ANXA13: variants seen among roughly 807,000 people sequenced by gnomAD.
ANXA13 encodes annexin XIII.
In ANXA13, 36 loss-of-function variants were observed where a neutral mutation model predicts 46.6. The ratio of observed to expected loss-of-function variants is 0.77; its 90% CI spans 0.59 to 1.02. ANXA13 has a LOEUF of 1.02. ANXA13 is among the 50% of genes least tolerant of loss of function. The pLI is 0.00. For missense variants in ANXA13, 417 were observed against 396.5 expected, an observed-to-expected ratio of 1.05 and a Z score of -0.44; for synonymous variants, 163 against 152.9, an observed-to-expected ratio of 1.07 and a Z score of -0.49.
At chr8:123,696,560 C>T (rs13249639) in intron 4 of ANXA13, among the ~76,000 whole-genome samples, 9 of 151,566 alleles carry the variant, frequency 5.9e-5, no homozygotes, top group African/African-American at 1.7e-4. Flanking sequence ...GCTCCCCCAC[C>T]CCCCCCACCA....
chr8:123,714,251 A>G (rs1335775161), intron 1 of ANXA13, among the ~76,000 whole-genome samples: 2 of 152,164 alleles, frequency 1.3e-5, no homozygotes, highest in Non-Finnish European at 2.9e-5. Context: ...TTGGTCACCA[A>G]TGTAGGCACG....
chr8:123,727,509 G>T (rs78957046), intron 1 of ANXA13, among the ~76,000 whole-genome samples: 3 of 151,998 alleles, frequency 2.0e-5, no homozygotes, highest in Non-Finnish European at 4.4e-5. Context: ...TGTCTCCCAG[G>T]AGACAATTGG....
chr8:123,733,475 AGT>A (rs1814166494), intron 1 of ANXA13, among the ~76,000 whole-genome samples: 1 of 152,080 alleles, frequency 6.6e-6, no homozygotes, highest in Admixed American at 6.5e-5. Context: ...CGTTCATCTG[AGT>A]GTTCACCTTG....
chr8:123,713,653 C>T (rs766271609), intron 1 of ANXA13, among the ~76,000 whole-genome samples: 1 of 152,088 alleles, frequency 6.6e-6, no homozygotes, highest in Non-Finnish European at 1.5e-5. Flanking sequence ...CCTGTCTTTG[C>T]CTTTTCTCAT....
intron 1 of ANXA13, among the ~76,000 whole-genome samples, chr8:123,736,553 T>A (rs1814271713): frequency 6.6e-6 from 1 of 152,208 alleles, no homozygotes; most frequent in Non-Finnish European, 1.5e-5. Context: ...GAAATAATAA[T>A]GGAATATTTT....
intron 2 of ANXA13, among the ~76,000 whole-genome samples, chr8:123,708,294 G>T (rs779747939): frequency 1.3e-5 from 2 of 152,194 alleles, no homozygotes; most frequent in African/African-American, 2.4e-5. Context: ...GGCCTCCTTG[G>T]TTTTGCTTTT....
intron 1 of ANXA13, among the ~76,000 whole-genome samples, chr8:123,733,672 G>T (rs1814169936): frequency 6.6e-6 from 1 of 152,222 alleles, no homozygotes. Flanking sequence ...ATGACCATCT[G>T]CCTTTGTCCC....
At chr8:123,712,336 A>G (rs1813675682) in intron 2 of ANXA13, 1 of 266,448 alleles carries the variant, frequency 3.8e-6, no homozygotes, top group Non-Finnish European at 7.3e-6. Flanking sequence ...TTTTCTTTAT[A>G]AATTACCCCA....
At chr8:123,689,006 G>A in intron 8 of ANXA13, 60 bp from the exon 9 acceptor site, 1 of 1,544,100 alleles carries the variant, frequency 6.5e-7, no homozygotes, top group South Asian at 1.1e-5. Context: ...TAGTACTCTT[G>A]GGGTTGTTCC....
intron 1 of ANXA13, chr8:123,729,110 A>G (rs1411545610): frequency 6.6e-6 from 1 of 152,184 alleles, no homozygotes; most frequent in Non-Finnish European, 1.5e-5. Flanking sequence ...GATTATTCAC[A>G]GGGTAGGTCC....
intron 1 of ANXA13, among the ~76,000 whole-genome samples, chr8:123,721,747 A>T (rs1173693251): frequency 1.3e-5 from 2 of 152,240 alleles, no homozygotes; most frequent in Non-Finnish European, 2.9e-5. Flanking sequence ...ATTGAGAATG[A>T]CAGCAAAATA....
chr8:123,725,743 A>G (rs1434059566), intron 1 of ANXA13, among the ~76,000 whole-genome samples: 1 of 152,230 alleles, frequency 6.6e-6, no homozygotes, highest in Non-Finnish European at 1.5e-5. Context: ...TTGGTATTTC[A>G]TCATGTAGTT....
intron 2 of ANXA13, among the ~76,000 whole-genome samples, chr8:123,708,604 T>A (rs1032931001): frequency 1.3e-5 from 2 of 152,236 alleles, no homozygotes; most frequent in African/African-American, 4.8e-5. Context: ...ATGGGCACAG[T>A]CCTGCCTGCC....
At chr8:123,731,129 T>A (rs779040842) in intron 1 of ANXA13, among the ~76,000 whole-genome samples, 5 of 152,188 alleles carry the variant, frequency 3.3e-5, no homozygotes, top group Non-Finnish European at 5.9e-5. Flanking sequence ...CTGGATCCCA[T>A]CTCCAGAGTT....
chr8:123,701,467 C>T (rs1400886197), intron 3 of ANXA13, among the ~76,000 whole-genome samples: 2 of 151,440 alleles, frequency 1.3e-5, no homozygotes, highest in African/African-American at 4.9e-5. Flanking sequence ...GAGACTCCGT[C>T]TCAAAACAAA....
Position 123,715,558 on chromosome 8 carries a change from G to T in ANXA13, c.16-2805C>A, listed in dbSNP as rs181877417. 8.7e-4 allele frequency among the ~76,000 whole-genome samples: 132 copies of T among 152,314 alleles called. 1 individual carries two copies. Among genetic ancestry groups the T allele is most frequent in the African/African-American group, 3.0e-3 (126 of 41,564 alleles). On this transcript the variant is annotated intron_variant, in intron 1 of 10. Coordinates refer to ENST00000419625, the MANE Select transcript of ANXA13 (RefSeq NM_004306.4). ...ATCTGTCCCACTTGACAACTAATGC[G>T]CTGAAACAGAGATGCAGGGCTCTGC...
At chr8:123,713,038 C>A (rs527809597) in intron 1 of ANXA13, among the ~76,000 whole-genome samples, 71 of 152,322 alleles carry the variant, frequency 4.7e-4, no homozygotes, top group African/African-American at 1.7e-3. Context: ...TTCATATCAA[C>A]CCCACCTTTG....
intron 1 of ANXA13, among the ~76,000 whole-genome samples, chr8:123,716,703 T>A (rs554268232): frequency 1.6e-4 from 24 of 152,232 alleles, no homozygotes; most frequent in Non-Finnish European, 3.1e-4. Context: ...CTATGGCTTG[T>A]TCCCAGGAGC....
chr8:123,707,750 C>G (rs536240407), intron 2 of ANXA13, among the ~76,000 whole-genome samples: 113 of 152,040 alleles, frequency 7.4e-4, no homozygotes, highest in African/African-American at 2.6e-3. Context: ...ATGTAGATAA[C>G]GGGTTGATGG....
Sources: gnomAD v4.1 joint callset for allele counts (sites outside exome capture counted in the v4.1 genomes callset) on GRCh38, gnomAD v4.1.1 for gene constraint, MANE v1.5 for transcripts, NCBI Gene and HGNC (gene_info 2026-07-23, HGNC 2026-07-21) for gene names.